The following FLT1 variants were observed in gnomAD, a reference collection of about 807,000 sequenced individuals.
FLT1 encodes the protein fms related receptor tyrosine kinase 1.
Under a neutral mutation model 156.3 loss-of-function variants are expected in FLT1, and 49 were observed. The observed-to-expected ratio is 0.31, with a 90% confidence interval of 0.25 to 0.40. FLT1 has a LOEUF of 0.40. FLT1 is among the 10% of genes least tolerant of loss of function. The pLI, the probability that FLT1 is intolerant of heterozygous loss-of-function variation, is 1.00. For missense variants in FLT1, 1,322 were observed against 1,637.2 expected, an observed-to-expected ratio of 0.81 and a Z score of 3.32; for synonymous variants, 594 against 583.8, an observed-to-expected ratio of 1.02 and a Z score of -0.25.
chr13:28,323,050 C>T, intron 20 of FLT1, 104 bp from the exon 21 acceptor site: 1 of 1,252,442 alleles, frequency 8.0e-7, no homozygotes, highest in Non-Finnish European at 1.2e-6. Flanking sequence ...GAGAGCGTTT[C>T]ACTTCTCAAA....
chr13:28,372,696 A>G (rs1328085716), intron 14 of FLT1, among the ~76,000 whole-genome samples: 1 of 149,748 alleles, frequency 6.7e-6, no homozygotes, highest in Admixed American at 6.7e-5. Flanking sequence ...ATCCTGGCCA[A>G]CATGGTGAAA....
intron 3 of FLT1, among the ~76,000 whole-genome samples, chr13:28,459,731 G>T (rs557666412): frequency 2.0e-5 from 3 of 152,330 alleles, no homozygotes; most frequent in South Asian, 4.1e-4. Context: ...TCCCTTGGAG[G>T]AGAATTTTGA....
chr13:28,392,793 C>CACACAAAAA (rs1254314749), intron 12 of FLT1, among the ~76,000 whole-genome samples: 13 of 152,190 alleles, frequency 8.5e-5, no homozygotes, highest in African/African-American at 2.9e-4. Flanking sequence ...AGCAAAAACA[C>CACACAAAAA]ACACATAGGA....
At chr13:28,479,354 A>G (rs1880716683) in intron 1 of FLT1, among the ~76,000 whole-genome samples, 1 of 152,332 alleles carries the variant, frequency 6.6e-6, no homozygotes, top group Middle Eastern at 3.4e-3. Context: ...GCCTTTCATT[A>G]CACATATTTT....
chr13:28,384,858 T>A lies in FLT1; in HGVS notation c.2116+27A>T, dbSNP rs772357812. 5.0e-6 allele frequency: 8 copies of A among 1,609,784 alleles called. No individual in the cohort carries two copies. The African/African-American group carries it at 1.1e-4, about 22-fold the overall frequency. On this transcript the variant is annotated intron_variant, in intron 14 of 29. Coordinates refer to ENST00000282397, the MANE Select transcript of FLT1 (RefSeq NM_002019.4). The stretch of plus-strand genomic sequence containing the variant: ...GGGGCTGATGAAAGATGAGAAATAA[T>A]AAATGGAAGAAAAAAAAGTCTCTTA...
intron 14 of FLT1, among the ~76,000 whole-genome samples, chr13:28,358,800 T>C (rs549497201): frequency 6.6e-6 from 1 of 152,054 alleles, no homozygotes; most frequent in African/African-American, 2.4e-5. Context: ...TGAGAATGAG[T>C]GAATACAGCA....
chr13:28,401,134 G>A (rs572023807), intron 11 of FLT1, among the ~76,000 whole-genome samples: 66 of 152,282 alleles, frequency 4.3e-4, no homozygotes, highest in African/African-American at 1.5e-3. Context: ...GTTGAGGCAG[G>A]AGAATCGCTT....
At chr13:28,309,374 G>T (rs942464194) in intron 27 of FLT1, among the ~76,000 whole-genome samples, 4 of 137,768 alleles carry the variant, frequency 2.9e-5, no homozygotes, top group African/African-American at 8.7e-5. Context: ...GAGTGCTAGC[G>T]CCAGGCTTGT....
At chr13:28,383,940 T>C (rs1464479344) in intron 14 of FLT1, among the ~76,000 whole-genome samples, 1 of 152,216 alleles carries the variant, frequency 6.6e-6, no homozygotes, top group Non-Finnish European at 1.5e-5. Context: ...TATAAGGAAC[T>C]TGAGCATCAG....
intron 14 of FLT1, among the ~76,000 whole-genome samples, chr13:28,381,285 G>A (rs924475033): frequency 4.6e-5 from 7 of 152,130 alleles, no homozygotes; most frequent in South Asian, 2.1e-4. Flanking sequence ...GGCCCTGTGC[G>A]GTGGGTCACA....
chr13:28,332,927 A>C (rs1485434074), intron 18 of FLT1, among the ~76,000 whole-genome samples: 6 of 152,196 alleles, frequency 3.9e-5, no homozygotes, highest in Non-Finnish European at 8.8e-5. Context: ...CTATTTTGAC[A>C]GAAATACCTG....
Position 28,384,968 on chromosome 13 carries a change from G to A in FLT1, c.2033C>T (p.Thr678Ile). 6.2e-7 allele frequency: 1 copy of A among 1,614,054 alleles called. No homozygotes were observed. The highest frequency in any genetic ancestry group is 2.2e-5 in the East Asian group (1 of 44,884). ...ACCATTAGCATGACAGTCTAAAGTGGTGGAACTGCTGATGGCCACTGTGTG... is the reference window on the plus strand; with the variant it reads ...ACCATTAGCATGACAGTCTAAAGTGATGGAACTGCTGATGGCCACTGTGTG... Reference protein sequence around the residue: ...SDHTVAISSSTTLDCHANGVP... With the variant: ...SDHTVAISSSITLDCHANGVP... The change falls in exon 14 of 30, where the codon ACC (threonine) becomes ATC (isoleucine). Residue 678 changes from threonine to isoleucine, a missense_variant. Around this residue, in one of 3 missense-constraint regions of FLT1, gnomAD observed 991 missense variants for 1,254.8 expected, o/e 0.79. Transcript: ENST00000282397.
chr13:28,331,681 C>T (rs1349211055), intron 18 of FLT1, among the ~76,000 whole-genome samples: 5 of 152,276 alleles, frequency 3.3e-5, no homozygotes, highest in East Asian at 1.9e-4. Flanking sequence ...CTGCCGGCCT[C>T]GGCCTCCCAA....
chr13:28,434,241 A>G (rs1877893777), intron 4 of FLT1, 21 bp from the exon 5 acceptor site: 1 of 1,612,752 alleles, frequency 6.2e-7, no homozygotes. Flanking sequence ...AGAGGCATGC[A>G]TTAACAAGGT....
intron 16 of FLT1, among the ~76,000 whole-genome samples, chr13:28,341,859 T>G (rs1469687330): frequency 6.6e-6 from 1 of 152,174 alleles, no homozygotes; most frequent in East Asian, 1.9e-4. Flanking sequence ...CTAGTCCCAA[T>G]GTACCTTTCC....
At chr13:28,416,264 C>T (rs148492135) in intron 10 of FLT1, among the ~76,000 whole-genome samples, 4 of 152,326 alleles carry the variant, frequency 2.6e-5, no homozygotes, top group South Asian at 2.1e-4. Flanking sequence ...ACAGAGCCCA[C>T]GTCCTTAAAC....
chr13:28,311,160 T>C (rs368478570), intron 27 of FLT1, among the ~76,000 whole-genome samples: 25 of 152,296 alleles, frequency 1.6e-4, no homozygotes, highest in South Asian at 6.2e-4. Flanking sequence ...TCTCTCTATG[T>C]TGCCGAGGCA....
chr13:28,402,165 G>GA (rs1168630492), intron 11 of FLT1, among the ~76,000 whole-genome samples: 1 of 151,852 alleles, frequency 6.6e-6, no homozygotes, highest in Admixed American at 6.6e-5. Context: ...ACAAAACAAA[G>GA]AAAAAAAATC....
At chr13:28,337,783 G>T (rs1338521998) in intron 17 of FLT1, among the ~76,000 whole-genome samples, 1 of 152,132 alleles carries the variant, frequency 6.6e-6, no homozygotes, top group Non-Finnish European at 1.5e-5. Context: ...ATACTAGGAA[G>T]GAATGAAGCG....
Sources: allele counts gnomAD v4.1 joint callset (sites outside exome capture counted in the v4.1 genomes callset), GRCh38; gene constraint gnomAD v4.1.1; regional missense constraint gnomAD v4.1.1; transcripts MANE v1.5; gene names NCBI Gene and HGNC (gene_info 2026-07-23, HGNC 2026-07-21).